Variants in ZNF618 observed in about 807,000 individuals in gnomAD.
ZNF618 encodes the protein zinc finger protein 618.
A neutral mutation model predicts 103.0 loss-of-function variants in ZNF618; 34 were observed. The ratio of observed to expected loss-of-function variants is 0.33; its 90% CI spans 0.25 to 0.44. The LOEUF is 0.44. Ranked by LOEUF, ZNF618 falls within the 20% of genes least tolerant of loss-of-function variation. The pLI is 1.00. For synonymous variants in ZNF618, 551 were observed against 542.2 expected (o/e 1.02, Z -0.23); for missense variants, 1,059 against 1,295.4 (o/e 0.82, Z 2.80).
At chr9:113,959,419 C>T (rs997607638) in intron 1 of ZNF618, among the ~76,000 whole-genome samples, 10 of 152,336 alleles carry the variant, frequency 6.6e-5, no homozygotes, top group African/African-American at 2.4e-4. Context: ...AATGAACACA[C>T]ATTAATCCAC....
intron 1 of ZNF618, among the ~76,000 whole-genome samples, chr9:113,947,739 C>T (rs1454450645): frequency 6.6e-6 from 1 of 152,196 alleles, no homozygotes; most frequent in African/African-American, 2.4e-5. Flanking sequence ...TTCGAGGTCT[C>T]CCCCAGCCTT....
intron 3 of ZNF618, among the ~76,000 whole-genome samples, chr9:113,996,051 G>C (rs1469411793): frequency 1.3e-5 from 2 of 152,080 alleles, no homozygotes; most frequent in African/African-American, 2.4e-5. Flanking sequence ...CTTACCCCTT[G>C]GGCAGCCACC....
chr9:113,908,977 A>T (rs1309626355), intron 1 of ZNF618, among the ~76,000 whole-genome samples: 1 of 151,840 alleles, frequency 6.6e-6, no homozygotes, highest in East Asian at 2.0e-4. Context: ...ATGGGGCTTC[A>T]GTAAGTTCCT....
chr9:113,946,595 G>C (rs896354781), intron 1 of ZNF618, among the ~76,000 whole-genome samples: 2 of 152,126 alleles, frequency 1.3e-5, no homozygotes, highest in Non-Finnish European at 2.9e-5. Context: ...CTGACCCAGC[G>C]TGTAATTACC....
intron 1 of ZNF618, among the ~76,000 whole-genome samples, chr9:113,887,537 G>A (rs1030351999): frequency 5.3e-5 from 8 of 152,294 alleles, no homozygotes; most frequent in African/African-American, 1.9e-4. Context: ...GTCACATTGG[G>A]GGCTGTGGAC....
At chr9:114,012,748 A>G (rs1413083834) in intron 9 of ZNF618, among the ~76,000 whole-genome samples, 2 of 145,268 alleles carry the variant, frequency 1.4e-5, no homozygotes, top group African/African-American at 2.8e-5. Flanking sequence ...ACTTGAACAG[A>G]TGAAGATAAT....
At chr9:114,024,924 G>A (rs1056819910) in intron 10 of ZNF618, among the ~76,000 whole-genome samples, 6 of 152,152 alleles carry the variant, frequency 3.9e-5, no homozygotes, top group African/African-American at 1.4e-4. Flanking sequence ...CCTGAACTCA[G>A]ATCACTGTCT....
At chr9:114,033,356 A>C (rs952717227) in intron 12 of ZNF618, among the ~76,000 whole-genome samples, 4 of 151,718 alleles carry the variant, frequency 2.6e-5, no homozygotes, top group African/African-American at 9.7e-5. Context: ...ACTGCACTCC[A>C]GCCTGGGTGA....
At chr9:113,949,395 G>A (rs570826513) in intron 1 of ZNF618, among the ~76,000 whole-genome samples, 1 of 152,158 alleles carries the variant, frequency 6.6e-6, no homozygotes, top group Admixed American at 6.5e-5. Flanking sequence ...CCAGACCCCT[G>A]TCCTCTGTGT....
At chr9:114,027,744 AG>A (rs1235924659) in intron 10 of ZNF618, among the ~76,000 whole-genome samples, 1 of 152,190 alleles carries the variant, frequency 6.6e-6, no homozygotes, top group East Asian at 1.9e-4. Flanking sequence ...GGGGAGCAAC[AG>A]CCAGGTCCTT....
chr9:114,042,347 T>A (rs796629577), intron 13 of ZNF618, among the ~76,000 whole-genome samples: 102 of 152,318 alleles, frequency 6.7e-4, no homozygotes, highest in African/African-American at 2.3e-3. Flanking sequence ...TGGACAAATG[T>A]GTGCTGTTGT....
intron 1 of ZNF618, among the ~76,000 whole-genome samples, chr9:113,937,889 T>C (rs1287666474): frequency 6.6e-6 from 1 of 152,182 alleles, no homozygotes; most frequent in Non-Finnish European, 1.5e-5. Context: ...TTTTTTGTTG[T>C]TTTTATTACT....
At chr9:113,903,663 G>A (rs1034717090) in intron 1 of ZNF618, among the ~76,000 whole-genome samples, 1 of 151,918 alleles carries the variant, frequency 6.6e-6, no homozygotes, top group Non-Finnish European at 1.5e-5. Flanking sequence ...TTTTGCTTTT[G>A]TTTTTGAAAG....
At chr9:113,973,304 G>C (rs948503801) in intron 2 of ZNF618, among the ~76,000 whole-genome samples, 2 of 152,132 alleles carry the variant, frequency 1.3e-5, no homozygotes, top group African/African-American at 4.8e-5. Flanking sequence ...TCCAACGTGG[G>C]CTTCTACCCC....
chr9:113,904,015 T>TG (rs896179695), intron 1 of ZNF618, among the ~76,000 whole-genome samples: 1 of 151,576 alleles, frequency 6.6e-6, no homozygotes, highest in African/African-American at 2.4e-5. Flanking sequence ...CCCTCCTTTT[T>TG]TTTTTTTTTC....
chr9:113,910,997 A>AT (rs527436847), intron 1 of ZNF618, among the ~76,000 whole-genome samples: 125 of 151,460 alleles, frequency 8.3e-4, no homozygotes, highest in Admixed American at 2.3e-3. Context: ...TGCCTGGCTA[A>AT]TTTTTTTTGT....
chr9:113,961,354 T>C (rs1170880267), intron 1 of ZNF618, among the ~76,000 whole-genome samples: 1 of 152,238 alleles, frequency 6.6e-6, no homozygotes, highest in Non-Finnish European at 1.5e-5. Context: ...TCCCAGCCCA[T>C]AGTAGGCATT....
intron 1 of ZNF618, among the ~76,000 whole-genome samples, chr9:113,889,639 A>G (rs538993144): frequency 2.6e-5 from 4 of 152,306 alleles, no homozygotes; most frequent in African/African-American, 9.6e-5. Context: ...GATGGGATAT[A>G]TCTTGATGTG....
intron 2 of ZNF618, among the ~76,000 whole-genome samples, chr9:113,976,224 G>T (rs1371663643): frequency 1.3e-5 from 2 of 152,214 alleles, no homozygotes; most frequent in Non-Finnish European, 2.9e-5. Flanking sequence ...AAGGGAATTG[G>T]TGGGGGTCTC....
Sources: allele counts gnomAD v4.1 joint callset (sites outside exome capture counted in the v4.1 genomes callset), GRCh38; gene constraint gnomAD v4.1.1; transcripts MANE v1.5; gene names NCBI Gene and HGNC (gene_info 2026-07-23, HGNC 2026-07-21).